PTPRR: variants seen among roughly 807,000 people sequenced by gnomAD.
PTPRR encodes protein tyrosine phosphatase receptor type R.
Under a neutral mutation model 77.2 loss-of-function variants are expected in PTPRR, and 38 were observed. That is an observed-to-expected ratio of 0.49 (90% CI 0.38 to 0.65). PTPRR has a LOEUF of 0.65. PTPRR is among the 30% of genes least tolerant of loss of function. The pLI, the probability that PTPRR is intolerant of heterozygous loss-of-function variation, is 0.00. For synonymous variants in PTPRR, 299 were observed against 283.1 expected, an observed-to-expected ratio of 1.06 and a Z score of -0.57; for missense variants, 744 against 799.2, an observed-to-expected ratio of 0.93 and a Z score of 0.83.
chr12:70,658,199 T>C (rs890671898), intron 12 of PTPRR, among the ~76,000 whole-genome samples: 1 of 152,224 alleles, frequency 6.6e-6, no homozygotes, highest in African/African-American at 2.4e-5. Context: ...AATTTTTCTG[T>C]GTTAACAATG....
intron 2 of PTPRR, among the ~76,000 whole-genome samples, chr12:70,820,547 G>A (rs1891988743): frequency 6.6e-6 from 1 of 152,112 alleles, no homozygotes; most frequent in Non-Finnish European, 1.5e-5. Flanking sequence ...GTTAGCCAGG[G>A]TGGTCTCGAT....
At chr12:70,888,455 C>T (rs2137113041) in intron 2 of PTPRR, among the ~76,000 whole-genome samples, 1 of 152,178 alleles carries the variant, frequency 6.6e-6, no homozygotes, top group Non-Finnish European at 1.5e-5. Context: ...CATGCATGTA[C>T]TTTCAGTAGT....
chr12:70,863,809 T>A (rs1394803500), intron 2 of PTPRR, among the ~76,000 whole-genome samples: 1 of 152,160 alleles, frequency 6.6e-6, no homozygotes, highest in African/African-American at 2.4e-5. Flanking sequence ...AACTGTTGAA[T>A]CTCCATTCTG....
At chr12:70,797,933 T>A (rs1891544935) in intron 2 of PTPRR, among the ~76,000 whole-genome samples, 1 of 152,198 alleles carries the variant, frequency 6.6e-6, no homozygotes, top group African/African-American at 2.4e-5. Context: ...TTCAGTCCCA[T>A]GTTTTACACA....
intron 3 of PTPRR, 146 bp downstream of exon 3, chr12:70,764,519 A>T (rs1042446861): frequency 5.2e-5 from 34 of 657,024 alleles, no homozygotes; most frequent in Non-Finnish European, 8.4e-5. Context: ...GAGCAGATAT[A>T]GCTTGTTTCA....
At chr12:70,721,791 T>G (rs1889264407) in intron 6 of PTPRR, among the ~76,000 whole-genome samples, 1 of 152,278 alleles carries the variant, frequency 6.6e-6, no homozygotes, top group East Asian at 1.9e-4. Context: ...CAAAGTGGAT[T>G]GAAATTCGCC....
intron 2 of PTPRR, among the ~76,000 whole-genome samples, chr12:70,860,128 G>A (rs1038917780): frequency 2.0e-5 from 3 of 152,034 alleles, no homozygotes; most frequent in African/African-American, 7.2e-5. Flanking sequence ...TACAGTGACA[G>A]TTTTCAGTAC....
chr12:70,851,886 T>C (rs1565718432), intron 2 of PTPRR, among the ~76,000 whole-genome samples: 2 of 152,240 alleles, frequency 1.3e-5, no homozygotes, highest in East Asian at 3.9e-4. Flanking sequence ...AATGTTTTCA[T>C]ACATTAACAA....
chr12:70,914,138 C>G (rs899589174), intron 1 of PTPRR, among the ~76,000 whole-genome samples: 3 of 151,992 alleles, frequency 2.0e-5, no homozygotes, highest in Non-Finnish European at 4.4e-5. Flanking sequence ...AAAAAAGGAG[C>G]AGAGTATTGG....
chr12:70,742,737 G>T (rs952847176), intron 6 of PTPRR, among the ~76,000 whole-genome samples: 4 of 152,170 alleles, frequency 2.6e-5, no homozygotes, highest in Non-Finnish European at 5.9e-5. Context: ...AGACTGGCTA[G>T]AATTAGGGAG....
Position 70,671,103 on chromosome 12 carries a change from G to A in PTPRR, c.1498-8498C>T, listed in dbSNP as rs1887205632. Among the ~76,000 whole-genome samples the A allele has an allele frequency of 5.3e-5, 8 of 152,110 alleles. No individual in the cohort carries two copies. In the South Asian group the frequency reaches 1.7e-3, roughly 32 times the overall value. On this transcript the variant is annotated intron_variant, in intron 10 of 13. Transcript: ENST00000283228. ...ATGTTTTTTGGAGGAAATGATTTTTGTCTTTTCCAAACAATGACGCTTAAC... is the reference window on the plus strand; with the variant it reads ...ATGTTTTTTGGAGGAAATGATTTTTATCTTTTCCAAACAATGACGCTTAAC...
At chr12:70,868,174 AAAATT>A (rs1181084458) in intron 2 of PTPRR, among the ~76,000 whole-genome samples, 8 of 152,192 alleles carry the variant, frequency 5.3e-5, no homozygotes, top group Non-Finnish European at 1.0e-4. Flanking sequence ...AATAAAAGAC[AAAATT>A]GACAAATGGG....
intron 2 of PTPRR, among the ~76,000 whole-genome samples, chr12:70,790,834 T>TC (rs1337065047): frequency 6.6e-6 from 1 of 151,996 alleles, no homozygotes; most frequent in Non-Finnish European, 1.5e-5. Context: ...AGAAGGAGAC[T>TC]CCATCTCAAA....
At chr12:70,653,604 G>A (rs1886473822) in intron 13 of PTPRR, among the ~76,000 whole-genome samples, 3 of 152,122 alleles carry the variant, frequency 2.0e-5, no homozygotes, top group Admixed American at 6.5e-5. Context: ...GCACATGTTA[G>A]GTTCCTTGCT....
chr12:70,839,879 C>A (rs1467676457), intron 2 of PTPRR, among the ~76,000 whole-genome samples: 2 of 152,156 alleles, frequency 1.3e-5, no homozygotes, highest in Non-Finnish European at 2.9e-5. Context: ...CGTTCAAAAC[C>A]AAAGTGCCTA....
intron 8 of PTPRR, among the ~76,000 whole-genome samples, chr12:70,691,447 T>C (rs907166400): frequency 2.6e-5 from 4 of 152,198 alleles, no homozygotes; most frequent in African/African-American, 7.2e-5. Context: ...GGATTCAACT[T>C]GACCCTCTTT....
chr12:70,735,675 T>C (rs1014444444), intron 6 of PTPRR, among the ~76,000 whole-genome samples: 1 of 152,246 alleles, frequency 6.6e-6, no homozygotes, highest in Non-Finnish European at 1.5e-5. Context: ...TGTAAGCAGG[T>C]TGTCAAGATT....
intron 2 of PTPRR, among the ~76,000 whole-genome samples, chr12:70,832,564 G>A (rs1051860661): frequency 6.6e-6 from 1 of 152,088 alleles, no homozygotes; most frequent in Non-Finnish European, 1.5e-5. Context: ...CATCTTACTT[G>A]CAGGTGACAT....
chr12:70,804,923 A>G, intron 2 of PTPRR, among the ~76,000 whole-genome samples: 1 of 152,360 alleles, frequency 6.6e-6, no homozygotes, highest in South Asian at 2.1e-4. Context: ...AAAAAACAGT[A>G]TAAAGAAATA....
Sources: allele counts gnomAD v4.1 joint callset (sites outside exome capture counted in the v4.1 genomes callset), GRCh38; gene constraint gnomAD v4.1.1; transcripts MANE v1.5; gene names NCBI Gene and HGNC (gene_info 2026-07-23, HGNC 2026-07-21).